ANO10: variants seen among roughly 807,000 people sequenced by gnomAD.
ANO10 encodes anoctamin-10.
In ANO10, 77 loss-of-function variants were observed where a neutral mutation model predicts 74.7. That is an observed-to-expected ratio of 1.03 (90% CI 0.86 to 1.25). ANO10 has a LOEUF of 1.25. ANO10 is among the 50% of genes most tolerant of loss of function. ANO10 has a pLI of 0.00. For missense variants in ANO10, 721 were observed against 778.1 expected (o/e 0.93, Z 0.87); for synonymous variants, 279 against 284.9 (o/e 0.98, Z 0.21).
chr3:43,673,349 G>A (rs1479235431), intron 1 of ANO10, among the ~76,000 whole-genome samples: 1 of 152,180 alleles, frequency 6.6e-6, no homozygotes, highest in Non-Finnish European at 1.5e-5. Flanking sequence ...ACTGAAGGAT[G>A]CATTTTCAAA....
chr3:43,624,763 G>T (rs1426589252), upstream of ANO10, among the ~76,000 whole-genome samples: 1 of 152,240 alleles, frequency 6.6e-6, no homozygotes. Flanking sequence ...ACCAGACAAA[G>T]AGATGATTCA....
At chr3:43,477,804 G>T (rs558469376) in intron 11 of ANO10, among the ~76,000 whole-genome samples, 6 of 152,252 alleles carry the variant, frequency 3.9e-5, no homozygotes, top group African/African-American at 1.4e-4. Context: ...AACATAGAAG[G>T]TGCCTGTTGC....
In ANO10 at chr3:43,495,706, AT is replaced by A. The variant is rs765736959; in HGVS notation, c.1797+54013del. ...TGCCTATCCAATTTGTGAAAAAAAA[AT>A]TTTTTTTTTTTGAGATGGAGTCTCA... On this transcript the variant is annotated intron_variant, in intron 11 of 12. Coordinates refer to ENST00000292246, the MANE Select transcript of ANO10 (RefSeq NM_018075.5). Among the ~76,000 whole-genome samples the A allele has an allele frequency of 1.9e-4, 28 of 147,760 alleles. 1 individual carries two copies. The highest frequency in any genetic ancestry group is 6.5e-4 in the South Asian group (3 of 4,650).
chr3:43,598,254 A>G (rs1316187529), intron 4 of ANO10, among the ~76,000 whole-genome samples: 1 of 152,198 alleles, frequency 6.6e-6, no homozygotes, highest in Non-Finnish European at 1.5e-5. Context: ...CATAAAGTAA[A>G]CTTTGCTCAT....
intron 1 of ANO10, among the ~76,000 whole-genome samples, chr3:43,670,187 T>C (rs1292359454): frequency 1.3e-5 from 2 of 151,926 alleles, no homozygotes; most frequent in African/African-American, 4.8e-5. Context: ...ATCCCATCTC[T>C]ACAAATAAAT....
chr3:43,607,345 A>C (rs1181983128), intron 1 of ANO10, among the ~76,000 whole-genome samples: 7 of 151,810 alleles, frequency 4.6e-5, no homozygotes, highest in Admixed American at 3.3e-4. Flanking sequence ...AAAAAAAAAA[A>C]ACAAAACAAA....
chr3:43,458,711 T>C (rs923863209), intron 11 of ANO10, among the ~76,000 whole-genome samples: 3 of 152,208 alleles, frequency 2.0e-5, no homozygotes, highest in Non-Finnish European at 4.4e-5. Context: ...TATATAGGTA[T>C]ACATGTGCCA....
intron 7 of ANO10, among the ~76,000 whole-genome samples, chr3:43,568,804 A>T (rs1283680600): frequency 6.8e-6 from 1 of 145,996 alleles, no homozygotes; most frequent in African/African-American, 2.6e-5. Flanking sequence ...ACACATTCAA[A>T]AGCTAGCAGA....
chr3:43,407,724 T>A (rs2092601125), intron 12 of ANO10, among the ~76,000 whole-genome samples: 1 of 152,118 alleles, frequency 6.6e-6, no homozygotes, highest in African/African-American at 2.4e-5. Context: ...ATGGTGGTGA[T>A]CCATGAGGTG....
intron 12 of ANO10, among the ~76,000 whole-genome samples, chr3:43,406,850 A>G (rs897528790): frequency 6.6e-6 from 1 of 152,114 alleles, no homozygotes; most frequent in African/African-American, 2.4e-5. Context: ...TGAACACCTG[A>G]GAAAGTCACT....
chr3:43,423,304 CTTAT>C (rs1176861091), intron 12 of ANO10, among the ~76,000 whole-genome samples: 2 of 151,956 alleles, frequency 1.3e-5, no homozygotes, highest in African/African-American at 2.4e-5. Flanking sequence ...ATCATTTGTC[CTTAT>C]TTATTTAATA....
At chr3:43,462,293 G>C (rs559064925) in intron 11 of ANO10, among the ~76,000 whole-genome samples, 6 of 152,118 alleles carry the variant, frequency 3.9e-5, no homozygotes, top group African/African-American at 9.7e-5. Context: ...GCAACGGTAC[G>C]ATCTTGGCTC....
At chr3:43,373,413 C>A (rs550145799) in intron 12 of ANO10, among the ~76,000 whole-genome samples, 13 of 152,156 alleles carry the variant, frequency 8.5e-5, no homozygotes, top group Non-Finnish European at 1.8e-4. Flanking sequence ...CCCGCTCACA[C>A]AACAGGAGAC....
upstream of ANO10, among the ~76,000 whole-genome samples, chr3:43,623,819 G>T (rs748133560): frequency 1.3e-5 from 2 of 152,106 alleles, no homozygotes; most frequent in Non-Finnish European, 2.9e-5. Context: ...TCTTTTTGTA[G>T]GTCCTGTGTG....
chr3:43,366,474 C>T lies in ANO10; in HGVS notation c.*432G>A. 1 of 313,342 alleles carries T rather than the reference C, an allele frequency of 3.2e-6. No homozygotes were observed. The highest frequency in any genetic ancestry group is 3.1e-5 in the South Asian group (1 of 32,310). 19.4% of individuals were successfully genotyped at this position (313,342 alleles called of 1,614,324 possible). On this transcript the variant is annotated 3_prime_UTR_variant, in exon 13 of 13. Coordinates refer to ENST00000292246, the MANE Select transcript of ANO10 (RefSeq NM_018075.5). ...CTTACTGTACCCCGCTCACTCTCAA[C>T]TGAGGCTCCTGTGATGAGCACAGTG...
chr3:43,534,483 A>G (rs576299203), intron 11 of ANO10, among the ~76,000 whole-genome samples: 2 of 146,908 alleles, frequency 1.4e-5, no homozygotes, highest in African/African-American at 5.1e-5. Flanking sequence ...CATGAGAGAG[A>G]GCGCGCAAGA....
At chr3:43,451,779 AAAT>A (rs1007630639) in intron 11 of ANO10, among the ~76,000 whole-genome samples, 2 of 152,242 alleles carry the variant, frequency 1.3e-5, no homozygotes, top group African/African-American at 4.8e-5. Context: ...TTACACATTC[AAAT>A]AACTGTGGTT....
intron 11 of ANO10, among the ~76,000 whole-genome samples, chr3:43,479,950 C>A (rs1160581993): frequency 8.5e-5 from 13 of 152,122 alleles, no homozygotes; most frequent in Non-Finnish European, 1.8e-4. Flanking sequence ...AATGAAAACG[C>A]CTTTCCACTA....
At chr3:43,681,932 G>C (rs558585774) in intron 1 of ANO10, among the ~76,000 whole-genome samples, 29 of 152,336 alleles carry the variant, frequency 1.9e-4, no homozygotes, top group African/African-American at 6.3e-4. Context: ...TCAAAGCAGT[G>C]TGTAGAGGGA....
Sources: allele counts gnomAD v4.1 joint callset (sites outside exome capture counted in the v4.1 genomes callset), GRCh38; gene constraint gnomAD v4.1.1; transcripts MANE v1.5; gene names NCBI Gene and HGNC (gene_info 2026-07-23, HGNC 2026-07-21).